Variants in ABR observed in about 807,000 individuals in gnomAD.
ABR encodes ABR activator of RhoGEF and GTPase, also known as active breakpoint cluster region-related protein.
Under a neutral mutation model 107.2 loss-of-function variants are expected in ABR, and 35 were observed. The observed-to-expected ratio is 0.33, with a 90% confidence interval of 0.25 to 0.43. The LOEUF is 0.43. Ranked by LOEUF, ABR falls within the 20% of genes least tolerant of loss-of-function variation. The pLI, the probability that ABR is intolerant of heterozygous loss-of-function variation, is 1.00. For synonymous variants in ABR, 498 were observed against 462.0 expected (o/e 1.08, Z -1.00); for missense variants, 815 against 1,115.2 (o/e 0.73, Z 3.83).
intron 1 of ABR, among the ~76,000 whole-genome samples, chr17:1,226,269 G>A (rs2043211863): frequency 6.6e-6 from 1 of 152,202 alleles, no homozygotes; most frequent in African/African-American, 2.4e-5. Context: ...GTTTCCCACA[G>A]TGCGAAAACG....
chr17:1,038,815 C>T (rs919304946), intron 16 of ABR, among the ~76,000 whole-genome samples: 4 of 152,228 alleles, frequency 2.6e-5, no homozygotes, highest in Non-Finnish European at 5.9e-5. Flanking sequence ...CTCTGGCAAC[C>T]CTTCTGTGGC....
rs1342555443 is a variant in ABR at position 1,084,997 on chromosome 17, T to G, written c.532-1370A>C. ...TTGTATTTTTAGTAGAGACGGCGTT[T>G]CTCCATATTGGTCAGGCTGGTCTCA... On this transcript the variant is annotated intron_variant, in intron 4 of 22. Coordinates refer to ENST00000302538, the MANE Select transcript of ABR (RefSeq NM_021962.5). This position sits in a 1 kb window ranked among gnomAD's most constrained non-coding sequence, Gnocchi z 4.2. 8.7e-5 allele frequency among the ~76,000 whole-genome samples: 13 copies of G among 150,058 alleles called. No individual in the cohort carries two copies. The Admixed American group carries it at 8.7e-4, about 10-fold the overall frequency.
intron 12 of ABR, among the ~76,000 whole-genome samples, 158 bp from the exon 13 acceptor site, chr17:1,057,260 G>A (rs925209963): frequency 4.6e-5 from 7 of 151,480 alleles, no homozygotes; most frequent in Non-Finnish European, 1.0e-4. Context: ...CAGGACTGGT[G>A]TAGATGCTGC....
intron 16 of ABR, among the ~76,000 whole-genome samples, chr17:1,022,120 A>AAAAAAAAAAAAAACAAAAAAAC (rs56033950): frequency 8.4e-6 from 1 of 118,388 alleles, no homozygotes; most frequent in Non-Finnish European, 1.6e-5. Context: ...AAAAAAAAAA[A>AAAAAAAAAAAAAACAAAAAAAC]AAAAACAGAA....
intron 3 of ABR, among the ~76,000 whole-genome samples, chr17:1,093,041 T>C (rs1456131204): frequency 1.3e-5 from 2 of 151,926 alleles, no homozygotes; most frequent in Non-Finnish European, 2.9e-5. Context: ...CAGGATGGTC[T>C]TGATCTCCTG....
chr17:1,125,114 C>A lies in ABR; in HGVS notation c.246+69G>T. ...CTCTCGAGACCAACCCAAGCAGGGC[C>A]TGGCCCACGATGCCCAGGCCTTCCC... is the stretch of plus-strand genomic sequence containing the variant. On this transcript the variant is annotated intron_variant, in intron 2 of 22. Transcript: ENST00000302538. 2.7e-6 allele frequency: 4 copies of A among 1,479,282 alleles called. No homozygotes were observed. In the South Asian group the frequency reaches 5.4e-5, roughly 20 times the overall value. 91.6% of individuals were successfully genotyped at this position (1,479,282 alleles called of 1,614,324 possible).
chr17:1,207,856 G>A (rs1398565327), intron 1 of ABR, among the ~76,000 whole-genome samples: 5 of 151,222 alleles, frequency 3.3e-5, no homozygotes, highest in Non-Finnish European at 7.4e-5. Flanking sequence ...TGCAACCTCC[G>A]CCTCCCGGGT....
chr17:1,031,906 C>T (rs1597456389), intron 16 of ABR: 5 of 617,156 alleles, frequency 8.1e-6, no homozygotes, highest in Non-Finnish European at 1.1e-5. Flanking sequence ...GTCCGCGTCC[C>T]TCCTCCCTCC....
chr17:1,005,286 TAGAC>T lies in ABR; in HGVS notation c.*790_*793del, dbSNP rs1250300305. 7.5e-6 allele frequency: 3 copies of T among 397,786 alleles called. No homozygotes were observed. Among genetic ancestry groups the T allele is most frequent in the African/African-American group, 2.1e-5 (1 of 48,624 alleles). 24.6% of individuals were successfully genotyped at this position (397,786 alleles called of 1,614,324 possible). A position where few individuals can be genotyped will look rare whatever the true frequency, so the allele number is the denominator to read the frequency against. Reference sequence around the variant, plus strand: ...GAAACAGTCAGAGATGCCTCACTGATAGACAGGAGGCCGAACAGGTAAACCCCAG... The same window carrying T: ...GAAACAGTCAGAGATGCCTCACTGATAGGAGGCCGAACAGGTAAACCCCAG... On this transcript the variant is annotated 3_prime_UTR_variant, in exon 23 of 23. Coordinates refer to ENST00000302538, the MANE Select transcript of ABR (RefSeq NM_021962.5).
intron 2 of ABR, chr17:1,101,335 T>A (rs910009308): frequency 1.3e-5 from 2 of 152,248 alleles, no homozygotes; most frequent in African/African-American, 4.8e-5. Flanking sequence ...AGTCAGATAT[T>A]ATTATAAAAA....
At chr17:1,172,672 C>T (rs112275872) in intron 1 of ABR, among the ~76,000 whole-genome samples, 1 of 152,028 alleles carries the variant, frequency 6.6e-6, no homozygotes, top group Non-Finnish European at 1.5e-5. Flanking sequence ...TCGCTTGAAC[C>T]CAGGAGGTGG....
Position 1,078,292 on chromosome 17 carries a change from T to C in ABR, c.700+1038A>G, listed in dbSNP as rs117441052. 6.6e-6 allele frequency among the ~76,000 whole-genome samples: 1 copy of C among 152,264 alleles called. No individual in the cohort carries two copies. Among genetic ancestry groups the C allele is most frequent in the East Asian group, 1.9e-4 (1 of 5,162 alleles). On this transcript the variant is annotated intron_variant, in intron 6 of 22. Coordinates refer to ENST00000302538, the MANE Select transcript of ABR (RefSeq NM_021962.5). The surrounding 1 kb of genome is among the most constrained non-coding windows in gnomAD (Gnocchi z 7.5). ...TCCGTGTCCTCCGCCTACTGCTGCA[T>C]GTGCGCGGAGCACACAATACCGTGC...
intron 14 of ABR, among the ~76,000 whole-genome samples, chr17:1,052,022 TGA>T (rs1442286412): frequency 6.6e-6 from 1 of 150,898 alleles, no homozygotes; most frequent in African/African-American, 2.4e-5. Context: ...TGCAGTGAGC[TGA>T]GATGGCACCA....
Position 1,150,613 on chromosome 17 carries a change from C to A in ABR, c.62-25246G>T, listed in dbSNP as rs1023423514. 6.6e-6 allele frequency among the ~76,000 whole-genome samples: 1 copy of A among 152,332 alleles called. No homozygotes were observed. Among genetic ancestry groups the A allele is most frequent in the Admixed American group, 6.5e-5 (1 of 15,306 alleles). ...CCGGCGGCCGCCGTCCACTCCCAGT[C>A]CTAGATCTGAGCTCCTTCCTGGGAG... is the stretch of plus-strand genomic sequence containing the variant. On this transcript the variant is annotated intron_variant, in intron 1 of 22. Transcript: ENST00000302538. The surrounding 1 kb of genome is among the most constrained non-coding windows in gnomAD (Gnocchi z 4.8).
At chr17:1,217,750 A>G (rs1486062364) in intron 1 of ABR, among the ~76,000 whole-genome samples, 2 of 152,170 alleles carry the variant, frequency 1.3e-5, no homozygotes, top group African/African-American at 4.8e-5. Context: ...GCTGGAGTGC[A>G]GTGGTGCAAT....
rs950842034 is a variant in ABR at position 1,208,684 on chromosome 17, C to T, written c.838+20109G>A. Among the ~76,000 whole-genome samples, 8 of 152,054 alleles carry T rather than the reference C, an allele frequency of 5.3e-5. No homozygotes were observed. In the East Asian group the frequency reaches 1.5e-3, roughly 29 times the overall value. ...CGGGCGGATCACGAGGTCGGGAGAT[C>T]GAAACCATCCTGGCTAACACGGTGA... On this transcript the variant is annotated intron_variant, in intron 1 of 22. Transcript: ENST00000574139.
At chr17:1,219,499 A>G (rs2043076388) in intron 1 of ABR, among the ~76,000 whole-genome samples, 1 of 149,574 alleles carries the variant, frequency 6.7e-6, no homozygotes, top group African/African-American at 2.5e-5. Flanking sequence ...ATCTGGATTT[A>G]TTTCATTTTT....
chr17:1,010,921 C>T lies in ABR; in HGVS notation c.2102-58G>A. 2 of 1,601,838 alleles carry T rather than the reference C, an allele frequency of 1.2e-6. No homozygotes were observed. The highest frequency in any genetic ancestry group is 1.7e-6 in the Non-Finnish European group (2 of 1,176,078). ...AGCTGGGCCAGCAGCCCCGTTCCAC[C>T]CCCGACCCATCCTGACACAGCCCCC... is the stretch of plus-strand genomic sequence containing the variant. On this transcript the variant is annotated intron_variant, in intron 19 of 22. Transcript: ENST00000302538. This position sits in a 1 kb window ranked among gnomAD's most constrained non-coding sequence, Gnocchi z 4.1.
At chr17:1,142,821 A>G (rs921297670) in intron 1 of ABR, among the ~76,000 whole-genome samples, 1 of 151,888 alleles carries the variant, frequency 6.6e-6, no homozygotes, top group Non-Finnish European at 1.5e-5. Context: ...TTCACTCAGG[A>G]CCCTCGGCCT....
Sources: gnomAD v4.1 joint callset for allele counts (sites outside exome capture counted in the v4.1 genomes callset) on GRCh38, gnomAD v4.1.1 for gene constraint, Gnocchi (gnomAD v3.1) non-coding constraint, MANE v1.5 for transcripts, NCBI Gene and HGNC (gene_info 2026-07-23, HGNC 2026-07-21) for gene names.